Variants in TBRG1 observed in about 807,000 individuals in gnomAD.
The protein encoded by TBRG1 is nuclear interactor of ARF and MDM2.
Under a neutral mutation model 44.0 loss-of-function variants are expected in TBRG1, and 31 were observed. That is an observed-to-expected ratio of 0.70 (90% CI 0.53 to 0.95). The LOEUF (loss-of-function observed/expected upper bound fraction) is 0.95. Ranked by LOEUF, TBRG1 falls within the 40% of genes least tolerant of loss-of-function variation. TBRG1 has a pLI of 0.00. For missense variants in TBRG1, 487 were observed against 496.1 expected, an observed-to-expected ratio of 0.98 and a Z score of 0.18; for synonymous variants, 171 against 188.1, an observed-to-expected ratio of 0.91 and a Z score of 0.74.
rs755106006 is a variant in TBRG1, at chr11:124,634,887, ACTTG to A, written c.*2653_*2656del. On this transcript the variant is annotated 3_prime_UTR_variant, in exon 9 of 9. Transcript: ENST00000441174. Reference sequence around the variant, plus strand: ...AATGATGAATTTGGGGGTGATTTTTACTTGCTTATACTTTAGTGTCCAAATTTTC... The same window carrying A: ...AATGATGAATTTGGGGGTGATTTTTACTTATACTTTAGTGTCCAAATTTTC... 17 of 152,294 alleles carry A rather than the reference ACTTG, an allele frequency of 1.1e-4. No individual in the cohort carries two copies. The highest frequency in any genetic ancestry group is 2.0e-4 in the Admixed American group (3 of 15,294). The allele number at this position is 152,294 out of a possible 1,614,324, so 9.4% of individuals were successfully genotyped here. A position where few individuals can be genotyped will look rare whatever the true frequency, so the allele number is the denominator to read the frequency against.
intron 6 of TBRG1, 77 bp from the exon 7 acceptor site, chr11:124,630,668 A>G (rs1439851973): frequency 3.5e-6 from 4 of 1,145,436 alleles, no homozygotes; most frequent in Admixed American, 2.0e-5. Flanking sequence ...CTGTTTGTTC[A>G]TACCACTATT....
chr11:124,624,875 A>G, intron 1 of TBRG1, 56 bp from the exon 2 acceptor site: 1 of 1,168,934 alleles, frequency 8.6e-7, no homozygotes, highest in Non-Finnish European at 1.2e-6. Context: ...TTCCCAGCAT[A>G]ATAATGTGAT....
intron 8 of TBRG1, 83 bp from the exon 9 acceptor site, chr11:124,632,010 T>A (rs1942624988): frequency 1.7e-6 from 2 of 1,204,832 alleles, no homozygotes; most frequent in Non-Finnish European, 2.4e-6. Context: ...AGGAATTGAT[T>A]GAAAGGACAT....
At chr11:124,625,571 TCTTTGTATATAATTCTGGCTTTTCCC>T in intron 2 of TBRG1, 74 bp from the exon 3 acceptor site, 1 of 1,044,002 alleles carries the variant, frequency 9.6e-7, no homozygotes, top group South Asian at 1.7e-5. Context: ...AGTATAGTAA[TCTTTGTATATAATTCTGGCTTTTCCC>T]AGTACTTGAG....
rs1207456608 is a variant in TBRG1, at chr11:124,625,713, A to C, written c.264A>C (p.Glu88Asp). 44 of 1,554,530 alleles carry C rather than the reference A, an allele frequency of 2.8e-5. No homozygotes were observed. Among genetic ancestry groups the C allele is most frequent in the Non-Finnish European group, 3.6e-5 (41 of 1,148,276 alleles). ...TCCTCCAGCTTCAGGCTCTAACTGA[A>C]GGGGAAGTACAGGCTGCAGCTCCTT... is the stretch of plus-strand genomic sequence containing the variant. ...KKLLQLQALT[E>D]GEVQAAAPSH... The change falls in exon 3 of 9, where the codon GAA (glutamate) becomes GAC (aspartate). Residue 88 changes from glutamate to aspartate, a missense_variant. Physicochemically the swap from Glu to Asp is conservative, Grantham distance 45 (BLOSUM62 2). Coordinates refer to ENST00000441174, the MANE Select transcript of TBRG1 (RefSeq NM_032811.3).
chr11:124,628,146 CAG>C (rs1942526104), intron 5 of TBRG1, among the ~76,000 whole-genome samples: 2 of 134,504 alleles, frequency 1.5e-5, no homozygotes, highest in South Asian at 4.7e-4. Context: ...CACACACACA[CAG>C]ACTAAATATA....
chr11:124,623,565 A>G (rs1398985378), intron 1 of TBRG1: 3 of 386,370 alleles, frequency 7.8e-6, no homozygotes, highest in Non-Finnish European at 1.5e-5. Context: ...TACAGCCCTG[A>G]GAATTAGGCA....
chr11:124,623,357 C>A, intron 1 of TBRG1, 124 bp downstream of exon 1: 1 of 1,101,920 alleles, frequency 9.1e-7, no homozygotes, highest in Non-Finnish European at 1.3e-6. Context: ...GTATACGTTA[C>A]TACTTGTTAG....
intron 3 of TBRG1, 45 bp downstream of exon 3, chr11:124,625,948 T>C (rs935108470): frequency 5.3e-6 from 8 of 1,503,694 alleles, no homozygotes; most frequent in Non-Finnish European, 7.1e-6. Flanking sequence ...ACTCACCTAC[T>C]AATGACAGTT....
In TBRG1 at chr11:124,625,780, T is replaced by G; in HGVS notation, c.331T>G (p.Ser111Ala). The G allele has an allele frequency of 6.3e-7, 1 of 1,577,196 alleles. No individual in the cohort carries two copies. Among genetic ancestry groups the G allele is most frequent in the South Asian group, 1.2e-5 (1 of 86,178 alleles). ...GCCCCTGACTTATGGTGTGGCCAGC[T>G]CTGTGGGAACTATACAGGGAGCTGG... ...SLPLTYGVAS[S>A]VGTIQGAGPI... The change falls in exon 3 of 9, where the codon TCT becomes GCT. Residue 111 changes from serine to alanine, a missense_variant. Coordinates refer to ENST00000441174, the MANE Select transcript of TBRG1 (RefSeq NM_032811.3).
At position 124,633,234 on chromosome 11, in the gene TBRG1, A is replaced by C. The variant is rs531080490; in HGVS notation, c.*996A>C. 4 of 152,240 alleles carry C rather than the reference A, an allele frequency of 2.6e-5. No homozygotes were observed. The highest frequency in any genetic ancestry group is 5.9e-5 in the Non-Finnish European group (4 of 68,040). 9.4% of individuals were successfully genotyped at this position (152,240 alleles called of 1,614,324 possible). On this transcript the variant is annotated 3_prime_UTR_variant, in exon 9 of 9. Coordinates refer to ENST00000441174, the MANE Select transcript of TBRG1 (RefSeq NM_032811.3). Reference sequence around the variant, plus strand: ...TAATTGGGGGTTAGTCCCATACTCTATAACAGACTTAGTCCTGTCTTTTCA... The same window carrying C: ...TAATTGGGGGTTAGTCCCATACTCTCTAACAGACTTAGTCCTGTCTTTTCA...
chr11:124,623,287 C>G (rs1208328980), intron 1 of TBRG1, 54 bp downstream of exon 1: 4 of 1,544,038 alleles, frequency 2.6e-6, no homozygotes, highest in South Asian at 1.2e-5. Flanking sequence ...CTCACAAAAT[C>G]TTTCCCCAAG....
chr11:124,630,676 A>T, intron 6 of TBRG1, 69 bp from the exon 7 acceptor site: 1 of 1,198,654 alleles, frequency 8.3e-7, no homozygotes, highest in South Asian at 1.3e-5. Flanking sequence ...TCATACCACT[A>T]TTCTGTTCTT....
At chr11:124,630,274 G>A in intron 5 of TBRG1, 114 bp from the exon 6 acceptor site, 1 of 772,500 alleles carries the variant, frequency 1.3e-6, no homozygotes, top group East Asian at 2.5e-5. Context: ...TGTCCCTTCT[G>A]AAGATGGTAT....
chr11:124,624,372 A>AG (rs1408097593), intron 1 of TBRG1, among the ~76,000 whole-genome samples: 3 of 147,252 alleles, frequency 2.0e-5, no homozygotes. Flanking sequence ...ACAAAAAAAA[A>AG]AAAAAAAAAA....
chr11:124,627,244 C>T (rs1260023689), intron 5 of TBRG1, among the ~76,000 whole-genome samples, 194 bp downstream of exon 5: 2 of 152,210 alleles, frequency 1.3e-5, no homozygotes, highest in African/African-American at 4.8e-5. Context: ...AATCTATTAT[C>T]TGTCTCATTC....
At position 124,629,357 on chromosome 11, in the gene TBRG1, A is replaced by G. The variant is rs191012300; in HGVS notation, c.739-1031A>G. Among the ~76,000 whole-genome samples the G allele has an allele frequency of 5.8e-4, 89 of 152,292 alleles. No individual in the cohort carries two copies. In the East Asian group the frequency reaches 0.016, roughly 27 times the overall value. On this transcript the variant is annotated intron_variant, in intron 5 of 8. Coordinates refer to ENST00000441174, the MANE Select transcript of TBRG1 (RefSeq NM_032811.3). ...CCATCTCAAAAAAAAAAGAAAAAGA[A>G]AAAAGAAAAGAAATTAATTGCTCAT...
In TBRG1 at chr11:124,634,646, T is replaced by C. The variant is rs1259805715; in HGVS notation, c.*2408T>C. On this transcript the variant is annotated 3_prime_UTR_variant, in exon 9 of 9. Transcript: ENST00000441174. ...ACAGTATTATTTTAATAGTAGAAAA[T>C]TGTTAAAAATCTATATGTCCATTAA... The C allele has an allele frequency of 1.3e-5, 2 of 152,122 alleles. No individual in the cohort carries two copies. Among genetic ancestry groups the C allele is most frequent in the Admixed American group, 6.5e-5 (1 of 15,276 alleles). 9.4% of individuals were successfully genotyped at this position (152,122 alleles called of 1,614,324 possible). A position where few individuals can be genotyped will look rare whatever the true frequency, so the allele number is the denominator to read the frequency against.
At chr11:124,624,534 A>G (rs1591372275) in intron 1 of TBRG1, among the ~76,000 whole-genome samples, 2 of 152,276 alleles carry the variant, frequency 1.3e-5, no homozygotes, top group East Asian at 3.9e-4. Context: ...GGGAATAGAC[A>G]GTTTTCATAT....
Sources: gnomAD v4.1 joint callset for allele counts (sites outside exome capture counted in the v4.1 genomes callset) on GRCh38, gnomAD v4.1.1 for gene constraint, MANE v1.5 for transcripts, NCBI Gene and HGNC (gene_info 2026-07-23, HGNC 2026-07-21) for gene names.